The following EXOC4 variants were observed in gnomAD, a reference collection of about 807,000 sequenced individuals.
EXOC4 encodes the protein SEC8-like 1.
EXOC4 carries 71 observed loss-of-function variants against 107.2 expected under a neutral mutation model. The observed-to-expected ratio is 0.66, with a 90% CI of 0.55 to 0.81. EXOC4 has a LOEUF of 0.81. Ranked by LOEUF, EXOC4 falls within the 30% of genes least tolerant of loss-of-function variation. The pLI is 0.00. For synonymous variants in EXOC4, 456 were observed against 441.2 expected (o/e 1.03, Z -0.42); for missense variants, 1,108 against 1,189.6 (o/e 0.93, Z 1.01).
chr7:133,981,067 G>A (rs1793967423), intron 14 of EXOC4, among the ~76,000 whole-genome samples: 1 of 152,128 alleles, frequency 6.6e-6, no homozygotes, highest in African/African-American at 2.4e-5. Flanking sequence ...AATTGTCTTA[G>A]CAAGATTTAC....
intron 17 of EXOC4, among the ~76,000 whole-genome samples, chr7:134,042,138 T>C (rs1795535754): frequency 6.6e-6 from 1 of 152,086 alleles, no homozygotes. Context: ...AAAGAAACCC[T>C]AGCCCAGGAG....
intron 10 of EXOC4, among the ~76,000 whole-genome samples, chr7:133,817,035 T>G (rs1797389108): frequency 6.6e-6 from 1 of 152,212 alleles, no homozygotes; most frequent in Non-Finnish European, 1.5e-5. Context: ...TTTTTCACAT[T>G]TTCCCATTGT....
intron 10 of EXOC4, among the ~76,000 whole-genome samples, chr7:133,701,997 C>CTTTTTTTTTTTTTTTTTT (rs71162021): frequency 1.1e-4 from 7 of 66,608 alleles, no homozygotes; most frequent in South Asian, 7.3e-4. Flanking sequence ...TTCTTTCTTT[C>CTTTTTTTTTTTTTTTTTT]TTTTTTTTTT....
chr7:133,518,743 A>C (rs955137371), intron 9 of EXOC4, among the ~76,000 whole-genome samples: 2 of 152,164 alleles, frequency 1.3e-5, no homozygotes, highest in Non-Finnish European at 2.9e-5. Flanking sequence ...CGAAAGGACA[A>C]ATATTGTATG....
intron 9 of EXOC4, among the ~76,000 whole-genome samples, chr7:133,624,657 ATCTC>A (rs1802412297): frequency 6.6e-6 from 1 of 151,958 alleles, no homozygotes; most frequent in Non-Finnish European, 1.5e-5. Context: ...CAGTGGCATG[ATCTC>A]GGCTCACTGC....
At chr7:133,553,727 C>A (rs1800635589) in intron 9 of EXOC4, among the ~76,000 whole-genome samples, 1 of 152,038 alleles carries the variant, frequency 6.6e-6, no homozygotes, top group Non-Finnish European at 1.5e-5. Context: ...GGGATGGCAG[C>A]CGGGGAGAGA....
intron 11 of EXOC4, among the ~76,000 whole-genome samples, chr7:133,893,357 T>G (rs536970069): frequency 2.4e-5 from 2 of 83,454 alleles, no homozygotes; most frequent in Non-Finnish European, 4.2e-5. Flanking sequence ...TATAGCACAC[T>G]GATGGGTCTT....
At chr7:134,076,705 G>GTATATA in the EXOC4 span, among the ~76,000 whole-genome samples, 13 of 147,144 alleles carry the variant, frequency 8.8e-5, no homozygotes, top group South Asian at 2.1e-4. Context: ...ATCTATAATT[G>GTATATA]TATATATATA....
At chr7:133,254,990 C>T (rs559840806) in intron 1 of EXOC4, among the ~76,000 whole-genome samples, 1 of 152,082 alleles carries the variant, frequency 6.6e-6, no homozygotes, top group Non-Finnish European at 1.5e-5. Flanking sequence ...CATACATTGC[C>T]TTTGCTTGAC....
chr7:133,537,300 C>G (rs566653255), intron 9 of EXOC4, among the ~76,000 whole-genome samples: 8 of 148,278 alleles, frequency 5.4e-5, no homozygotes, highest in Non-Finnish European at 7.4e-5. Flanking sequence ...ACAGGCACCC[C>G]CCCCCCCACC....
chr7:134,049,061 A>T (rs1795723426), intron 17 of EXOC4, among the ~76,000 whole-genome samples: 1 of 152,174 alleles, frequency 6.6e-6, no homozygotes, highest in African/African-American at 2.4e-5. Flanking sequence ...ACTGAAACTG[A>T]TTGTCCTCAT....
At chr7:133,711,055 A>C (rs1442638287) in intron 10 of EXOC4, among the ~76,000 whole-genome samples, 1 of 152,252 alleles carries the variant, frequency 6.6e-6, no homozygotes, top group African/African-American at 2.4e-5. Flanking sequence ...ACAGCAATAC[A>C]AAATGAACTG....
At chr7:133,631,405 A>T (rs951799212) in intron 10 of EXOC4, among the ~76,000 whole-genome samples, 1 of 152,146 alleles carries the variant, frequency 6.6e-6, no homozygotes, top group South Asian at 2.1e-4. Flanking sequence ...AATTGATACC[A>T]TTAGAACTAA....
At chr7:133,658,999 G>GTTTTTTT (rs1442463291) in intron 10 of EXOC4, among the ~76,000 whole-genome samples, 1 of 64,884 alleles carries the variant, frequency 1.5e-5, no homozygotes, top group African/African-American at 6.7e-5. Flanking sequence ...CTTCAGAGAA[G>GTTTTTTT]CTTTTTTTTT....
At chr7:133,955,755 C>T (rs1172545863) in intron 14 of EXOC4, among the ~76,000 whole-genome samples, 2 of 152,234 alleles carry the variant, frequency 1.3e-5, no homozygotes, top group Admixed American at 6.5e-5. Context: ...ATCTGCCTCC[C>T]TCCTGACAAG....
chr7:133,867,714 A>G (rs1029414626), intron 11 of EXOC4, among the ~76,000 whole-genome samples: 1 of 152,218 alleles, frequency 6.6e-6, no homozygotes, highest in Non-Finnish European at 1.5e-5. Context: ...GTAGGATAAC[A>G]GTGGAAAACC....
At chr7:133,335,223 A>G (rs1312891060) in intron 5 of EXOC4, among the ~76,000 whole-genome samples, 2 of 152,192 alleles carry the variant, frequency 1.3e-5, no homozygotes, top group Non-Finnish European at 2.9e-5. Flanking sequence ...TAAAAAACTC[A>G]TAAAATTTAC....
At chr7:133,651,906 C>CCTCAGCCTGGTTTTACCAGGT (rs1158796756) in intron 10 of EXOC4, among the ~76,000 whole-genome samples, 1 of 152,086 alleles carries the variant, frequency 6.6e-6, no homozygotes, top group Non-Finnish European at 1.5e-5. Context: ...GCTGGTCTTG[C>CCTCAGCCTGGTTTTACCAGGT]TGACCTCAGG....
In EXOC4 at chr7:133,781,479, A is replaced by G. The variant is rs1057308069; in HGVS notation, c.1515-35846A>G. 3.3e-5 allele frequency among the ~76,000 whole-genome samples: 5 copies of G among 152,368 alleles called. No homozygotes were observed. In the South Asian group the frequency reaches 1.0e-3, roughly 32 times the overall value. On this transcript the variant is annotated intron_variant, in intron 10 of 17. Transcript: ENST00000253861. ...ACTTACTAGTTGTGTTTCCTTGAAG[A>G]TATCAGTTAGTCTCTGGGTTTGTTT...
Sources: gnomAD v4.1 joint callset for allele counts (sites outside exome capture counted in the v4.1 genomes callset) on GRCh38, gnomAD v4.1.1 for gene constraint, MANE v1.5 for transcripts, NCBI Gene and HGNC (gene_info 2026-07-23, HGNC 2026-07-21) for gene names.